EGFR: variants seen among roughly 807,000 people sequenced by gnomAD.
EGFR encodes the protein avian erythroblastic leukemia viral (v-erb-b) oncogene homolog.
EGFR carries 58 observed loss-of-function variants against 143.0 expected under a neutral mutation model. The ratio of observed to expected loss-of-function variants is 0.41; its 90% CI spans 0.33 to 0.50. The LOEUF is 0.50. EGFR is among the 20% of genes least tolerant of loss of function. EGFR has a pLI of 0.39. For synonymous variants in EGFR, 613 were observed against 594.4 expected, an observed-to-expected ratio of 1.03 and a Z score of -0.45; for missense variants, 1,307 against 1,579.0, an observed-to-expected ratio of 0.83 and a Z score of 2.92.
At chr7:55,202,997 G>C (rs972686381) in intron 27 of EGFR, 3 of 508,148 alleles carry the variant, frequency 5.9e-6, no homozygotes, top group Non-Finnish European at 1.0e-5. Flanking sequence ...TCTCTCTGCT[G>C]GCTCTATCTT....
At chr7:55,021,253 C>T (rs968239790) in intron 1 of EGFR, among the ~76,000 whole-genome samples, 1 of 152,142 alleles carries the variant, frequency 6.6e-6, no homozygotes, top group African/African-American at 2.4e-5. Flanking sequence ...CTGGGGTGCC[C>T]GGGAGACGCG....
chr7:55,064,250 T>C (rs1417319037), intron 1 of EGFR, among the ~76,000 whole-genome samples: 1 of 152,256 alleles, frequency 6.6e-6, no homozygotes, highest in Admixed American at 6.5e-5. Flanking sequence ...CAAATAGATG[T>C]AATTTTAATT....
At position 55,144,021 on chromosome 7, in the gene EGFR, G is replaced by A. The variant is rs571038878; in HGVS notation, c.424+533G>A. On this transcript the variant is annotated intron_variant, in intron 3 of 27. Transcript: ENST00000275493. ...GGTTCCTGTGAGAGGAAACAATGAAGGATGATAGAAAAGAAGGGAAATTGA... is the reference window on the plus strand; with the variant it reads ...GGTTCCTGTGAGAGGAAACAATGAAAGATGATAGAAAAGAAGGGAAATTGA... 5.0e-4 allele frequency among the ~76,000 whole-genome samples: 76 copies of A among 152,274 alleles called. 1 individual carries two copies. The highest frequency in any genetic ancestry group is 1.9e-3 in the Admixed American group (29 of 15,300).
chr7:55,165,155 A>G, intron 14 of EGFR, 125 bp from the exon 15 acceptor site: 1 of 1,385,798 alleles, frequency 7.2e-7, no homozygotes, highest in Non-Finnish European at 1.0e-6. Flanking sequence ...TTCTCCTTTA[A>G]GAATTTTTCT....
intron 4 of EGFR, among the ~76,000 whole-genome samples, chr7:55,149,637 T>C (rs1010210128): frequency 5.3e-5 from 8 of 152,126 alleles, no homozygotes; most frequent in Admixed American, 4.6e-4. Context: ...CTTCAAAGTA[T>C]GTATAGCTTT....
At chr7:55,101,729 A>C (rs1791841540) in intron 1 of EGFR, among the ~76,000 whole-genome samples, 1 of 152,266 alleles carries the variant, frequency 6.6e-6, no homozygotes, top group South Asian at 2.1e-4. Flanking sequence ...ACTTTTTTAA[A>C]CTGTCTATAT....
intron 6 of EGFR, 119 bp from the exon 7 acceptor site, chr7:55,153,892 G>A (rs546308344): frequency 6.8e-7 from 1 of 1,478,070 alleles, no homozygotes; most frequent in Admixed American, 1.7e-5. Context: ...TGGAACACTA[G>A]GCTGCAAAGA....
intron 1 of EGFR, among the ~76,000 whole-genome samples, chr7:55,024,450 T>G (rs1786766006): frequency 6.6e-6 from 1 of 152,224 alleles, no homozygotes; most frequent in South Asian, 2.1e-4. Context: ...AGTCCAAGTG[T>G]CCTTTCTGAA....
chr7:55,196,178 A>ATTTTTT (rs61541412), intron 22 of EGFR, among the ~76,000 whole-genome samples: 2 of 88,126 alleles, frequency 2.3e-5, no homozygotes, highest in African/African-American at 9.8e-5. Flanking sequence ...ATGTGTTGGG[A>ATTTTTT]TTTTTTTTTT....
chr7:55,141,283 C>T (rs1794443778), intron 1 of EGFR, among the ~76,000 whole-genome samples: 1 of 152,186 alleles, frequency 6.6e-6, no homozygotes, highest in South Asian at 2.1e-4. Flanking sequence ...CTAAACATGC[C>T]TTTCAAAGAA....
rs1224862076 is a variant in EGFR at position 55,146,731 on chromosome 7, C to G, written c.550C>G (p.Leu184Val). The G allele has an allele frequency of 9.9e-6, 16 of 1,614,090 alleles. No individual in the cohort carries two copies. Among genetic ancestry groups the G allele is most frequent in the Non-Finnish European group, 1.4e-5 (16 of 1,180,050 alleles). The change falls in exon 4 of 28, where the codon CTG becomes GTG. Residue 184 changes from leucine (L) to valine (V), a missense_variant. Physicochemically the swap from Leu to Val is conservative, Grantham distance 32. This residue lies in a region of EGFR where 311 missense variants were observed against 412.3 expected (regional missense o/e 0.75). Transcript: ENST00000275493. ...CATGTCGATGGACTTCCAGAACCAC[C>G]TGGGCAGCTGTAAGTGTCGCATACA... The part of the protein sequence containing the change: ...SNMSMDFQNH[L>V]GSCQKCDPSC...
At chr7:55,140,113 T>G (rs1050809470) in intron 1 of EGFR, among the ~76,000 whole-genome samples, 1 of 151,974 alleles carries the variant, frequency 6.6e-6, no homozygotes, top group Non-Finnish European at 1.5e-5. Flanking sequence ...CAAGTACAGT[T>G]TTTTTAAAAT....
At chr7:55,125,873 A>G (rs1163735947) in intron 1 of EGFR, among the ~76,000 whole-genome samples, 1 of 152,212 alleles carries the variant, frequency 6.6e-6, no homozygotes, top group African/African-American at 2.4e-5. Context: ...CTTCATTTGA[A>G]TCTGTCAGTG....
chr7:55,069,359 A>G (rs1400847403), intron 1 of EGFR, among the ~76,000 whole-genome samples: 4 of 152,180 alleles, frequency 2.6e-5, no homozygotes, highest in Non-Finnish European at 5.9e-5. Flanking sequence ...ATTGCTGCAC[A>G]CGGGATATGT....
chr7:55,167,297 CACAATGGTGGT>C lies in EGFR; in HGVS notation c.1880+1861_1880+1871del, dbSNP rs1356743467. On this transcript the variant is annotated intron_variant, in intron 15 of 27. Coordinates refer to ENST00000275493, the MANE Select transcript of EGFR (RefSeq NM_005228.5). ...GTGATGGTGGTGAGGAGGTGGGAGT[CACAATGGTGGT>C]GGTGTTGATGGTGGTGATGGTGGTG... 1.5e-3 allele frequency among the ~76,000 whole-genome samples: 198 copies of C among 134,874 alleles called. 37 individuals are homozygous for C. The highest frequency in any genetic ancestry group is 5.7e-3 in the African/African-American group (191 of 33,250). The allele number at this position is 134,874 out of a possible 152,430, so 88.5% of individuals were successfully genotyped here.
intron 1 of EGFR, among the ~76,000 whole-genome samples, chr7:55,070,775 G>A (rs1038878882): frequency 1.3e-5 from 2 of 152,164 alleles, no homozygotes; most frequent in Non-Finnish European, 2.9e-5. Context: ...GGATTTCCTC[G>A]TTTCTTGCTA....
At chr7:55,045,942 A>G (rs1338860540) in intron 1 of EGFR, among the ~76,000 whole-genome samples, 2 of 152,252 alleles carry the variant, frequency 1.3e-5, no homozygotes, top group Non-Finnish European at 2.9e-5. Flanking sequence ...AACAATGTTA[A>G]TAAAATCTCA....
At position 55,146,928 on chromosome 7, in the gene EGFR, G is replaced by A. The variant is rs573601169; in HGVS notation, c.559+188G>A. Among the ~76,000 whole-genome samples the A allele has an allele frequency of 6.6e-4, 101 of 152,250 alleles. 1 individual carries two copies. Among genetic ancestry groups the A allele is most frequent in the Non-Finnish European group, 1.1e-3 (74 of 68,002 alleles). ...GACATAGAGATCGTTTTTTTGTGGC[G>A]GGTGGCAGCCCAGCTGGTTGGCAGT... On this transcript the variant is annotated intron_variant, in intron 4 of 27. Transcript: ENST00000275493.
In EGFR at chr7:55,027,991, A is replaced by AAATATAT. The variant is rs1554311534; in HGVS notation, c.88+8627_88+8628insATATATA. ...GCCTTTATGTAAAAAAAAAAAAAAA[A>AAATATAT]ATATATATATATATATATATATATA... On this transcript the variant is annotated intron_variant, in intron 1 of 27. Coordinates refer to ENST00000275493, the MANE Select transcript of EGFR (RefSeq NM_005228.5). 7.5e-3 allele frequency among the ~76,000 whole-genome samples: 410 copies of AAATATAT among 54,940 alleles called. 6 individuals carry two copies. Among genetic ancestry groups the AAATATAT allele is most frequent in the East Asian group, 0.014 (16 of 1,182 alleles). 36.0% of individuals were successfully genotyped at this position (54,940 alleles called of 152,430 possible). A position where few individuals can be genotyped will look rare whatever the true frequency, so the allele number is the denominator to read the frequency against.
Sources: gnomAD v4.1 joint callset for allele counts (sites outside exome capture counted in the v4.1 genomes callset) on GRCh38, gnomAD v4.1.1 for gene constraint, gnomAD v4.1.1 regional missense constraint, MANE v1.5 for transcripts, NCBI Gene and HGNC (gene_info 2026-07-23, HGNC 2026-07-21) for gene names.